The following MOB3B variants were observed in gnomAD, a reference collection of about 807,000 sequenced individuals.
The protein encoded by MOB3B is MOB kinase activator 3B.
In MOB3B, 7 loss-of-function variants were observed where a neutral mutation model predicts 18.7. The ratio of observed to expected loss-of-function variants is 0.37; its 90% CI spans 0.21 to 0.70. MOB3B has a LOEUF of 0.70. Ranked by LOEUF, MOB3B falls within the 30% of genes least tolerant of loss-of-function variation. The pLI is 0.52. For missense variants in MOB3B, 253 were observed against 281.3 expected, an observed-to-expected ratio of 0.90 and a Z score of 0.72; for synonymous variants, 111 against 99.9, an observed-to-expected ratio of 1.11 and a Z score of -0.66.
chr9:27,404,432 T>C lies in MOB3B; in HGVS notation c.419-45196A>G, dbSNP rs117576309. Among the ~76,000 whole-genome samples, 1,321 of 135,168 alleles carry C rather than the reference T, an allele frequency of 9.8e-3. 18 individuals are homozygous for C. The highest frequency in any genetic ancestry group is 0.014 in the Non-Finnish European group (911 of 64,122). 88.7% of individuals were successfully genotyped at this position (135,168 alleles called of 152,430 possible). A position where few individuals can be genotyped will look rare whatever the true frequency, so the allele number is the denominator to read the frequency against. On this transcript the variant is annotated intron_variant, in intron 2 of 3. Transcript: ENST00000262244. ...GTGCAATGGTGCGATCTCAGCTCACTACAACCTCTTGAACTGCAAAGTTCA... is the reference window on the plus strand; with the variant it reads ...GTGCAATGGTGCGATCTCAGCTCACCACAACCTCTTGAACTGCAAAGTTCA...
At chr9:27,430,116 G>A (rs748437547) in intron 2 of MOB3B, among the ~76,000 whole-genome samples, 9 of 152,266 alleles carry the variant, frequency 5.9e-5, no homozygotes, top group Non-Finnish European at 1.3e-4. Context: ...TGGATTTAAG[G>A]TGACATCACT....
At chr9:27,372,504 T>C (rs965735082) in intron 2 of MOB3B, among the ~76,000 whole-genome samples, 2 of 152,186 alleles carry the variant, frequency 1.3e-5, no homozygotes, top group African/African-American at 4.8e-5. Context: ...TAGGTGGCTT[T>C]ATAGTCAAGA....
intron 3 of MOB3B, among the ~76,000 whole-genome samples, chr9:27,337,970 G>T (rs964453621): frequency 1.3e-5 from 2 of 152,176 alleles, no homozygotes; most frequent in Admixed American, 1.3e-4. Flanking sequence ...AGAGGTAACA[G>T]CCACATGATT....
chr9:27,358,305 A>G (rs1221335841), intron 3 of MOB3B, among the ~76,000 whole-genome samples: 1 of 152,182 alleles, frequency 6.6e-6, no homozygotes, highest in Non-Finnish European at 1.5e-5. Context: ...CCACATTGAG[A>G]TGTTGCATGT....
At chr9:27,420,485 T>C (rs1822226119) in intron 2 of MOB3B, among the ~76,000 whole-genome samples, 1 of 144,886 alleles carries the variant, frequency 6.9e-6, no homozygotes, top group South Asian at 2.2e-4. Context: ...ATCTATATAT[T>C]TCATATATAT....
At chr9:27,512,473 A>G (rs1234123257) in intron 1 of MOB3B, among the ~76,000 whole-genome samples, 1 of 152,242 alleles carries the variant, frequency 6.6e-6, no homozygotes, top group Admixed American at 6.5e-5. Flanking sequence ...AGAGATGCCA[A>G]AAGTTTAATA....
At position 27,409,429 on chromosome 9, in the gene MOB3B, AT is replaced by A. The variant is rs544045191; in HGVS notation, c.418+45703del. Among the ~76,000 whole-genome samples the A allele has an allele frequency of 1.3e-4, 20 of 152,370 alleles. No individual in the cohort carries two copies. In the East Asian group the frequency reaches 3.9e-3, roughly 29 times the overall value. ...TGGTTACTATCAAGAAGATAAAAAA[AT>A]AACAAGTATTGGCAAAGATGTGGGA... On this transcript the variant is annotated intron_variant, in intron 2 of 3. Coordinates refer to ENST00000262244, the MANE Select transcript of MOB3B (RefSeq NM_024761.5).
At chr9:27,367,483 T>C (rs1453269913) in intron 2 of MOB3B, among the ~76,000 whole-genome samples, 1 of 152,220 alleles carries the variant, frequency 6.6e-6, no homozygotes, top group Non-Finnish European at 1.5e-5. Flanking sequence ...CTCAATCCCA[T>C]TTATGATTCC....
At chr9:27,367,156 C>T (rs1211218253) in intron 2 of MOB3B, among the ~76,000 whole-genome samples, 1 of 152,156 alleles carries the variant, frequency 6.6e-6, no homozygotes, top group African/African-American at 2.4e-5. Flanking sequence ...GGAATGAGAG[C>T]TGAGCTCCTG....
At chr9:27,508,340 GCAAGGGTTGTT>G (rs1820089783) in intron 1 of MOB3B, among the ~76,000 whole-genome samples, 1 of 151,952 alleles carries the variant, frequency 6.6e-6, no homozygotes, top group African/African-American at 2.4e-5. Context: ...TTAAAAAAAC[GCAAGGGTTGTT>G]CAGAGTCTTT....
chr9:27,466,779 C>G (rs1021667184), intron 1 of MOB3B, among the ~76,000 whole-genome samples: 1 of 152,086 alleles, frequency 6.6e-6, no homozygotes, highest in Non-Finnish European at 1.5e-5. Flanking sequence ...AAGAATAGCA[C>G]GGGAAAGACC....
chr9:27,469,886 G>A (rs1037345072), intron 1 of MOB3B, among the ~76,000 whole-genome samples: 4 of 151,934 alleles, frequency 2.6e-5, no homozygotes, highest in African/African-American at 9.7e-5. Context: ...AGGAATTAGA[G>A]ACCAGCCTGG....
intron 1 of MOB3B, among the ~76,000 whole-genome samples, chr9:27,468,108 T>A (rs1319918000): frequency 6.6e-6 from 1 of 152,226 alleles, no homozygotes; most frequent in African/African-American, 2.4e-5. Context: ...CTTACTCATC[T>A]GCAGAAAGTC....
At chr9:27,448,639 C>G (rs1822733375) in intron 2 of MOB3B, among the ~76,000 whole-genome samples, 1 of 152,166 alleles carries the variant, frequency 6.6e-6, no homozygotes, top group South Asian at 2.1e-4. Context: ...AGCTACAATT[C>G]AAGATGAGAT....
chr9:27,378,695 G>A (rs994235974), intron 2 of MOB3B: 1 of 470,930 alleles, frequency 2.1e-6, no homozygotes, highest in Non-Finnish European at 4.4e-6. Flanking sequence ...GGAATCCTGT[G>A]CATCTTTGAG....
intron 1 of MOB3B, among the ~76,000 whole-genome samples, chr9:27,527,414 T>C (rs1439948575): frequency 2.6e-5 from 4 of 152,222 alleles, no homozygotes; most frequent in Admixed American, 2.6e-4. Flanking sequence ...AGAGATATAA[T>C]ACCCAGAAAT....
At chr9:27,491,156 C>A (rs1376813411) in intron 1 of MOB3B, among the ~76,000 whole-genome samples, 2 of 151,976 alleles carry the variant, frequency 1.3e-5, no homozygotes, top group Non-Finnish European at 2.9e-5. Flanking sequence ...AATTAATATG[C>A]AATCCATAAC....
chr9:27,412,611 A>C (rs1017026956), intron 2 of MOB3B, among the ~76,000 whole-genome samples: 1 of 152,160 alleles, frequency 6.6e-6, no homozygotes, highest in African/African-American at 2.4e-5. Context: ...CATTTTTCCC[A>C]AAGCAAGTCT....
Position 27,524,289 on chromosome 9 carries a change from C to T in MOB3B, c.-199+5266G>A, listed in dbSNP as rs773336881. The T allele has an allele frequency of 5.2e-6, 8 of 1,545,900 alleles. No homozygotes were observed. In the East Asian group the frequency reaches 1.6e-4, roughly 31 times the overall value. On this transcript the variant is annotated intron_variant, in intron 1 of 3. Transcript: ENST00000262244. ...AAGGCACATGAAGGAAAACTCAAAACATCATTGTCATATACACATCTTCTG... is the reference window on the plus strand; with the variant it reads ...AAGGCACATGAAGGAAAACTCAAAATATCATTGTCATATACACATCTTCTG...
Sources: gnomAD v4.1 joint callset for allele counts (sites outside exome capture counted in the v4.1 genomes callset) on GRCh38, gnomAD v4.1.1 for gene constraint, MANE v1.5 for transcripts, NCBI Gene and HGNC (gene_info 2026-07-23, HGNC 2026-07-21) for gene names.